Variants in LRMDA observed in about 807,000 individuals in gnomAD.
LRMDA encodes leucine-rich melanocyte differentiation-associated protein.
LRMDA carries 18 observed loss-of-function variants against 29.8 expected under a neutral mutation model. That is an observed-to-expected ratio of 0.60 (90% confidence interval 0.42 to 0.90). The LOEUF is 0.90. Among genes scored for constraint, LRMDA ranks in the 40% least tolerant of loss-of-function variants. The probability of loss-of-function intolerance (pLI) is 0.00; values close to 1 mark genes in which losing one functional copy is unlikely to be tolerated. For synonymous variants in LRMDA, 125 were observed against 109.4 expected (o/e 1.14, Z -0.89); for missense variants, 273 against 273.9 (o/e 1.00, Z 0.02).
At chr10:75,569,128 C>T (rs772018646) in intron 2 of LRMDA, among the ~76,000 whole-genome samples, 2 of 152,130 alleles carry the variant, frequency 1.3e-5, no homozygotes, top group Non-Finnish European at 2.9e-5. Context: ...GGCATATGCC[C>T]ACAACTCCTG....
intron 2 of LRMDA, among the ~76,000 whole-genome samples, chr10:75,778,177 T>C (rs1843336892): frequency 6.6e-6 from 1 of 152,050 alleles, no homozygotes; most frequent in Non-Finnish European, 1.5e-5. Flanking sequence ...TCCTGGGTTC[T>C]GGTGATTCTC....
chr10:75,747,281 T>TA (rs1185370187), intron 2 of LRMDA, among the ~76,000 whole-genome samples: 1 of 152,024 alleles, frequency 6.6e-6, no homozygotes, highest in Non-Finnish European at 1.5e-5. Flanking sequence ...GACAGTTCAA[T>TA]AAAAAAAGTC....
intron 2 of LRMDA, among the ~76,000 whole-genome samples, chr10:75,774,698 CT>C (rs11442623): frequency 1.4e-4 from 21 of 149,082 alleles, no homozygotes; most frequent in African/African-American, 2.2e-4. Flanking sequence ...ATCTCAAACA[CT>C]TTTTTTTTTG....
Position 76,499,320 on chromosome 10 carries a change from G to A in LRMDA, c.602-57889G>A, listed in dbSNP as rs1356274431. On this transcript the variant is annotated intron_variant, in intron 6 of 6. Transcript: ENST00000611255. Reference sequence around the variant, plus strand: ...TCTATATATGTATTTGCGCATTCTGGACATTTCACATAAATGCAATCATAT... The same window carrying A: ...TCTATATATGTATTTGCGCATTCTGAACATTTCACATAAATGCAATCATAT... Among the ~76,000 whole-genome samples, 19 of 73,886 alleles carry A rather than the reference G, an allele frequency of 2.6e-4. 6 individuals carry two copies. The highest frequency in any genetic ancestry group is 7.6e-4 in the Admixed American group (6 of 7,860). The allele number at this position is 73,886 out of a possible 152,430, so 48.5% of individuals were successfully genotyped here. A position where few individuals can be genotyped will look rare whatever the true frequency, so the allele number is the denominator to read the frequency against.
intron 2 of LRMDA, among the ~76,000 whole-genome samples, chr10:75,967,557 G>A (rs1422006851): frequency 1.3e-5 from 2 of 152,216 alleles, no homozygotes; most frequent in African/African-American, 2.4e-5. Flanking sequence ...GTCCTTCAGA[G>A]CATGGTAATT....
chr10:76,421,131 C>A (rs547236992), intron 6 of LRMDA, among the ~76,000 whole-genome samples: 5 of 152,094 alleles, frequency 3.3e-5, no homozygotes, highest in Non-Finnish European at 7.4e-5. Flanking sequence ...TATGCTAAAA[C>A]CTCCCACTAT....
At chr10:75,861,667 CTAT>C (rs1844932770) in intron 2 of LRMDA, among the ~76,000 whole-genome samples, 1 of 152,112 alleles carries the variant, frequency 6.6e-6, no homozygotes. Flanking sequence ...TTGGGATTTA[CTAT>C]TATAATGGCA....
Position 75,752,936 on chromosome 10 carries a change from A to G in LRMDA, c.132-283072A>G, listed in dbSNP as rs185239761. Among the ~76,000 whole-genome samples the G allele has an allele frequency of 3.3e-5, 5 of 152,258 alleles. No individual in the cohort carries two copies. In the East Asian group the frequency reaches 9.6e-4, roughly 29 times the overall value. Reference sequence around the variant, plus strand: ...AGCTACCATTGATCTGTGTCCACCTACTTTTATGATTCTTCTGGTTGTACA... The same window carrying G: ...AGCTACCATTGATCTGTGTCCACCTGCTTTTATGATTCTTCTGGTTGTACA... On this transcript the variant is annotated intron_variant, in intron 2 of 6. Transcript: ENST00000611255.
In LRMDA at chr10:76,317,700, AG is replaced by A. The variant is rs559632367; in HGVS notation, c.517-6700del. Among the ~76,000 whole-genome samples the A allele has an allele frequency of 3.9e-5, 6 of 152,190 alleles. No individual in the cohort carries two copies. The East Asian group carries it at 1.2e-3, about 29-fold the overall frequency. On this transcript the variant is annotated intron_variant, in intron 5 of 6. Transcript: ENST00000611255. ...GCAATTCTCCTGTCTTAGCCTACCA[AG>A]TAACTGGAACTACAGGTGCCCGCCA... is the stretch of plus-strand genomic sequence containing the variant.
chr10:76,328,876 T>A (rs1034145061), intron 6 of LRMDA, among the ~76,000 whole-genome samples: 1 of 152,218 alleles, frequency 6.6e-6, no homozygotes, highest in Non-Finnish European at 1.5e-5. Flanking sequence ...AGGCACTGTA[T>A]GTATTCCAGT....
chr10:76,399,957 T>C (rs190093401), intron 6 of LRMDA, among the ~76,000 whole-genome samples: 1 of 152,338 alleles, frequency 6.6e-6, no homozygotes, highest in East Asian at 1.9e-4. Context: ...ATATCTGTTA[T>C]CTGGTGTTCA....
intron 2 of LRMDA, among the ~76,000 whole-genome samples, chr10:75,587,549 G>A (rs1214344418): frequency 6.6e-6 from 1 of 152,166 alleles, no homozygotes; most frequent in Admixed American, 6.5e-5. Flanking sequence ...AAAATGGATA[G>A]ACTAAATGGC....
At chr10:76,363,171 A>AGGG (rs1564520638) in intron 6 of LRMDA, among the ~76,000 whole-genome samples, 42 of 32,544 alleles carry the variant, frequency 1.3e-3, no homozygotes, top group Admixed American at 2.1e-3. Context: ...GAAAGAAAGA[A>AGGG]AGAAAGGAGG....
At chr10:75,981,566 T>C (rs1319321277) in intron 2 of LRMDA, among the ~76,000 whole-genome samples, 1 of 152,018 alleles carries the variant, frequency 6.6e-6, no homozygotes, top group Non-Finnish European at 1.5e-5. Flanking sequence ...TCTTTGAGAG[T>C]GAGTGGGCCG....
chr10:75,676,463 C>T (rs1841961508), intron 2 of LRMDA, among the ~76,000 whole-genome samples: 1 of 152,190 alleles, frequency 6.6e-6, no homozygotes, highest in Non-Finnish European at 1.5e-5. Context: ...GGAGGACTTT[C>T]TTTTTACCCT....
intron 5 of LRMDA, among the ~76,000 whole-genome samples, chr10:76,128,791 C>T (rs186693242): frequency 1.3e-5 from 2 of 152,114 alleles, no homozygotes; most frequent in Non-Finnish European, 2.9e-5. Context: ...CTGTCTAGCC[C>T]AGAGCTCATC....
At chr10:75,978,178 G>A (rs1847106998) in intron 2 of LRMDA, among the ~76,000 whole-genome samples, 1 of 152,210 alleles carries the variant, frequency 6.6e-6, no homozygotes. Context: ...TGTAGCAGAA[G>A]AGCTCAAGTT....
chr10:75,598,360 A>C (rs1020913117), intron 2 of LRMDA, among the ~76,000 whole-genome samples: 2 of 152,166 alleles, frequency 1.3e-5, no homozygotes, highest in African/African-American at 4.8e-5. Flanking sequence ...ATATTAAAGA[A>C]GCAGTGGGTT....
At chr10:75,907,057 T>G (rs1474951864) in intron 2 of LRMDA, among the ~76,000 whole-genome samples, 2 of 152,196 alleles carry the variant, frequency 1.3e-5, no homozygotes, top group African/African-American at 2.4e-5. Flanking sequence ...TTCAAACTCT[T>G]GGACGTAGGA....
Sources: allele counts gnomAD v4.1 joint callset (sites outside exome capture counted in the v4.1 genomes callset), GRCh38; gene constraint gnomAD v4.1.1; transcripts MANE v1.5; gene names NCBI Gene and HGNC (gene_info 2026-07-23, HGNC 2026-07-21).